Variants in ROBO2 observed in about 807,000 individuals in gnomAD.
ROBO2 encodes the protein roundabout guidance receptor 2, also known as roundabout homolog 2.
ROBO2 carries 53 observed loss-of-function variants against 160.8 expected under a neutral mutation model. The ratio of observed to expected loss-of-function variants is 0.33; its 90% confidence interval spans 0.26 to 0.41. The LOEUF is 0.41. ROBO2 is among the 10% of genes least tolerant of loss of function. ROBO2 has a pLI of 1.00. For missense variants in ROBO2, 1,577 were observed against 1,722.4 expected, an observed-to-expected ratio of 0.92 and a Z score of 1.49; for synonymous variants, 664 against 611.7, an observed-to-expected ratio of 1.09 and a Z score of -1.26.
intron 2 of ROBO2, among the ~76,000 whole-genome samples, chr3:77,413,593 A>G (rs1340975024): frequency 6.6e-6 from 1 of 152,228 alleles, no homozygotes; most frequent in Non-Finnish European, 1.5e-5. Context: ...GGCCTGAAAT[A>G]CAGAGCTCCG....
Position 76,808,028 on chromosome 3 carries a change from C to T in ROBO2, c.110-289986C>T, listed in dbSNP as rs17014726. Among the ~76,000 whole-genome samples the T allele has an allele frequency of 9.6e-3, 1,460 of 151,732 alleles. 23 individuals are homozygous for T. The highest frequency in any genetic ancestry group is 0.033 in the African/African-American group (1,352 of 41,402). ...AGCTACTGTCCATAGAAAATCAATA[C>T]GATGTTAAGAGAAAATATATTTGAA... On this transcript the variant is annotated intron_variant, in intron 2 of 26. Coordinates refer to the ROBO2 transcript ENST00000487694.
chr3:76,577,315 ATCC>A (rs1295735051), intron 2 of ROBO2, among the ~76,000 whole-genome samples: 1 of 152,048 alleles, frequency 6.6e-6, no homozygotes, highest in African/African-American at 2.4e-5. Flanking sequence ...AATTTTCTTT[ATCC>A]TCCATACCCA....
intron 6 of ROBO2, among the ~76,000 whole-genome samples, chr3:77,523,520 TC>T (rs1305620743): frequency 1.3e-5 from 2 of 151,396 alleles, no homozygotes; most frequent in African/African-American, 4.8e-5. Flanking sequence ...ACTTCCTCAG[TC>T]ATGGAATAAT....
chr3:77,548,174 CAA>C (rs1491112959), intron 7 of ROBO2, among the ~76,000 whole-genome samples: 6 of 151,478 alleles, frequency 4.0e-5, no homozygotes, highest in African/African-American at 1.5e-4. Context: ...CACACACACA[CAA>C]AAAGGAGAGA....
intron 2 of ROBO2, among the ~76,000 whole-genome samples, chr3:76,213,741 A>G (rs1703303371): frequency 6.6e-6 from 1 of 152,162 alleles, no homozygotes; most frequent in South Asian, 2.1e-4. Context: ...TAAGCTTTGA[A>G]TTTGAATGTC....
At chr3:76,297,116 G>A (rs1279188504) in intron 2 of ROBO2, among the ~76,000 whole-genome samples, 1 of 152,154 alleles carries the variant, frequency 6.6e-6, no homozygotes, top group African/African-American at 2.4e-5. Context: ...CTGACATACT[G>A]GTTATGTGGG....
chr3:76,557,088 T>C (rs983393270), intron 2 of ROBO2, among the ~76,000 whole-genome samples: 36 of 152,094 alleles, frequency 2.4e-4, no homozygotes, highest in African/African-American at 8.7e-4. Flanking sequence ...ACTGATTATT[T>C]TATAGCTTTA....
At chr3:77,401,984 G>A (rs1334226386) in intron 2 of ROBO2, among the ~76,000 whole-genome samples, 2 of 152,134 alleles carry the variant, frequency 1.3e-5, no homozygotes, top group African/African-American at 2.4e-5. Flanking sequence ...GCACACATAT[G>A]TTTATTGCAG....
At chr3:76,502,659 T>C (rs1027039463) in intron 2 of ROBO2, among the ~76,000 whole-genome samples, 3 of 152,110 alleles carry the variant, frequency 2.0e-5, no homozygotes, top group African/African-American at 7.2e-5. Context: ...GCATGCAATG[T>C]GAAATAAGCA....
At chr3:76,262,363 G>A (rs937628546) in intron 2 of ROBO2, among the ~76,000 whole-genome samples, 9 of 151,912 alleles carry the variant, frequency 5.9e-5, no homozygotes, top group African/African-American at 2.2e-4. Flanking sequence ...AAAGGTAGAT[G>A]ACACATTACA....
At chr3:76,051,176 G>GA (rs1288045735) in intron 2 of ROBO2, among the ~76,000 whole-genome samples, 4 of 151,728 alleles carry the variant, frequency 2.6e-5, no homozygotes, top group South Asian at 2.1e-4. Context: ...TGCCTTATTT[G>GA]AAAAAAACGA....
In ROBO2 at chr3:76,657,359, A is replaced by G. The variant is rs1459998825; in HGVS notation, c.110-440655A>G. The stretch of plus-strand genomic sequence containing the variant: ...AGAATGGCGTGAACCCCGGAGGCCA[A>G]GCTTGCAGTGAGCCGAGATCGCGCC... On this transcript the variant is annotated intron_variant, in intron 2 of 26. Transcript: ENST00000487694. Among the ~76,000 whole-genome samples, 5 of 151,938 alleles carry G rather than the reference A, an allele frequency of 3.3e-5. No individual in the cohort carries two copies. In the East Asian group the frequency reaches 9.8e-4, roughly 30 times the overall value.
chr3:76,021,676 A>G (rs2066578541), intron 2 of ROBO2, among the ~76,000 whole-genome samples: 1 of 151,880 alleles, frequency 6.6e-6, no homozygotes, highest in Non-Finnish European at 1.5e-5. Flanking sequence ...CAATAGAAGT[A>G]TGTCTAAAAA....
At chr3:76,068,996 C>A (rs146740916) in intron 2 of ROBO2, among the ~76,000 whole-genome samples, 72 of 152,100 alleles carry the variant, frequency 4.7e-4, no homozygotes, top group South Asian at 2.5e-3. Context: ...TTCTCAATTA[C>A]AGCACAGAAG....
Position 76,699,622 on chromosome 3 carries a change from C to T in ROBO2, c.110-398392C>T, listed in dbSNP as rs562099950. Among the ~76,000 whole-genome samples the T allele has an allele frequency of 4.6e-5, 7 of 152,242 alleles. No individual in the cohort carries two copies. The East Asian group carries it at 1.4e-3, about 29-fold the overall frequency. On this transcript the variant is annotated intron_variant, in intron 2 of 26. Transcript: ENST00000487694. ...GTTTCCTTTTTTAGTCCCATCTGCT[C>T]CATGTGCAAATGTTTAAATACATTT... is the stretch of plus-strand genomic sequence containing the variant.
intron 2 of ROBO2, among the ~76,000 whole-genome samples, chr3:76,861,526 G>A (rs1387298519): frequency 6.6e-6 from 1 of 152,098 alleles, no homozygotes; most frequent in Non-Finnish European, 1.5e-5. Context: ...CTAGAGTTCT[G>A]TTCTTTGCTC....
intron 2 of ROBO2, among the ~76,000 whole-genome samples, chr3:76,447,224 G>A (rs549631056): frequency 1.3e-4 from 20 of 152,258 alleles, no homozygotes; most frequent in East Asian, 5.8e-4. Flanking sequence ...ATCAAAAAGC[G>A]GGTGAAGGAT....
chr3:76,331,068 C>T (rs2108024826), intron 2 of ROBO2, among the ~76,000 whole-genome samples: 1 of 152,228 alleles, frequency 6.6e-6, no homozygotes, highest in Non-Finnish European at 1.5e-5. Flanking sequence ...GCTTTTCTAC[C>T]ACTTCGAATG....
intron 2 of ROBO2, among the ~76,000 whole-genome samples, chr3:76,417,482 A>G (rs1053347018): frequency 6.6e-6 from 1 of 152,214 alleles, no homozygotes; most frequent in African/African-American, 2.4e-5. Flanking sequence ...GAGAATGAAC[A>G]TCTTTTATTC....
Sources: allele counts gnomAD v4.1 joint callset (sites outside exome capture counted in the v4.1 genomes callset), GRCh38; gene constraint gnomAD v4.1.1; transcripts MANE v1.5; gene names NCBI Gene and HGNC (gene_info 2026-07-23, HGNC 2026-07-21).